Variants in SLC16A9 observed in about 807,000 individuals in gnomAD.
The protein encoded by SLC16A9 is solute carrier family 16 member 9, also known as monocarboxylate transporter 9.
SLC16A9 carries 26 observed loss-of-function variants against 44.3 expected under a neutral mutation model. The observed-to-expected ratio is 0.59, with a 90% CI of 0.43 to 0.81. The LOEUF is 0.81. Among genes scored for constraint, SLC16A9 ranks in the 40% least tolerant of loss-of-function variants. The pLI, the probability that SLC16A9 is intolerant of heterozygous loss-of-function variation, is 0.00. For synonymous variants in SLC16A9, 230 were observed against 225.1 expected, an observed-to-expected ratio of 1.02 and a Z score of -0.19; for missense variants, 559 against 595.8, an observed-to-expected ratio of 0.94 and a Z score of 0.64.
chr10:59,677,923 AT>A (rs1405691606), intron 2 of SLC16A9, among the ~76,000 whole-genome samples: 1 of 151,556 alleles, frequency 6.6e-6, no homozygotes, highest in East Asian at 1.9e-4. Flanking sequence ...TTTAGGGTAC[AT>A]GTGCACAATG....
intron 1 of SLC16A9, among the ~76,000 whole-genome samples, chr10:59,694,595 G>A (rs1477287130): frequency 6.6e-6 from 1 of 151,332 alleles, no homozygotes; most frequent in Non-Finnish European, 1.5e-5. Flanking sequence ...GAGGCCAGGA[G>A]TTTAAGACCA....
chr10:59,655,894 G>A lies in SLC16A9; in HGVS notation c.437-1305C>T, dbSNP rs147771231. ...CATCACTGATTGCATGGATATGATT[G>A]CTATAAAAACCCATCTAATAAAACA... On this transcript the variant is annotated intron_variant, in intron 4 of 5. Transcript: ENST00000395348. Among the ~76,000 whole-genome samples, 17 of 152,310 alleles carry A rather than the reference G, an allele frequency of 1.1e-4. No individual in the cohort carries two copies. The East Asian group carries it at 3.3e-3, about 29-fold the overall frequency.
At position 59,684,866 on chromosome 10, in the gene SLC16A9, A is replaced by G. The variant is rs564244288; in HGVS notation, c.-36-539T>C. 4.6e-5 allele frequency among the ~76,000 whole-genome samples: 7 copies of G among 152,300 alleles called. No individual in the cohort carries two copies. The South Asian group carries it at 6.2e-4, about 14-fold the overall frequency. On this transcript the variant is annotated intron_variant, in intron 1 of 5. Transcript: ENST00000395348. The stretch of plus-strand genomic sequence containing the variant: ...CTGGGAGCTGCCCATCCACACTTCC[A>G]TGTTGATCATGCACTGGATGTGGCT...
chr10:59,676,116 A>T (rs1030457743), intron 2 of SLC16A9, among the ~76,000 whole-genome samples: 1 of 152,230 alleles, frequency 6.6e-6, no homozygotes, highest in African/African-American at 2.4e-5. Flanking sequence ...TATAGATAAC[A>T]TAGCTTTATG....
intron 3 of SLC16A9, among the ~76,000 whole-genome samples, chr10:59,668,598 A>T (rs887087347): frequency 2.6e-5 from 4 of 152,238 alleles, no homozygotes; most frequent in Admixed American, 2.6e-4. Flanking sequence ...AAAGTCATTT[A>T]AACTCTCTAA....
In SLC16A9 at chr10:59,681,690, G is replaced by A. The variant is rs867165135; in HGVS notation, c.196+2406C>T. On this transcript the variant is annotated intron_variant, in intron 2 of 5. Transcript: ENST00000395348. ...TGTATATGTATATGTATATGTATATGTATATATATATGTATATGTATATGT... is the reference window on the plus strand; with the variant it reads ...TGTATATGTATATGTATATGTATATATATATATATATGTATATGTATATGT... Among the ~76,000 whole-genome samples the A allele has an allele frequency of 1.1e-4, 2 of 17,528 alleles. 1 individual carries two copies. The highest frequency in any genetic ancestry group is 5.6e-4 in the African/African-American group (2 of 3,578). The allele number at this position is 17,528 out of a possible 152,430, so 11.5% of individuals were successfully genotyped here.
At chr10:59,661,601 C>T (rs1839476584) in intron 4 of SLC16A9, among the ~76,000 whole-genome samples, 1 of 152,112 alleles carries the variant, frequency 6.6e-6, no homozygotes, top group Non-Finnish European at 1.5e-5. Flanking sequence ...CAATGCTATT[C>T]CCATCAAGCT....
chr10:59,696,918 G>T (rs1283467733), intron 1 of SLC16A9, among the ~76,000 whole-genome samples: 2 of 55,822 alleles, frequency 3.6e-5, no homozygotes, highest in African/African-American at 1.1e-4. Flanking sequence ...CAGCCACCCC[G>T]TCCGGGAGGG....
intron 1 of SLC16A9, among the ~76,000 whole-genome samples, chr10:59,691,403 G>A (rs1840249459): frequency 1.3e-5 from 2 of 152,154 alleles, no homozygotes; most frequent in South Asian, 2.1e-4. Context: ...ATACTACAGG[G>A]TTTAAAGAAG....
chr10:59,653,507 G>A lies in SLC16A9; in HGVS notation c.1351+168C>T, dbSNP rs906658565. On this transcript the variant is annotated intron_variant, in intron 5 of 5. Transcript: ENST00000395348. ...CACAAATCCCAGAGCATGCATATTC[G>A]CTTTCTCAATTATATCAAAGCAGTC... Among the ~76,000 whole-genome samples the A allele has an allele frequency of 4.8e-5, 7 of 146,914 alleles. No homozygotes were observed. The Admixed American group carries it at 4.9e-4, about 10-fold the overall frequency.
chr10:59,658,969 A>G (rs1189897761), intron 4 of SLC16A9, among the ~76,000 whole-genome samples: 2 of 152,152 alleles, frequency 1.3e-5, no homozygotes, highest in African/African-American at 2.4e-5. Context: ...TTCCAGGGTT[A>G]CCCACCTACC....
intron 1 of SLC16A9, among the ~76,000 whole-genome samples, chr10:59,701,859 C>T (rs907185564): frequency 2.6e-5 from 4 of 152,218 alleles, no homozygotes; most frequent in African/African-American, 9.6e-5. Context: ...CAAGACTGAG[C>T]CCAAACTGTT....
chr10:59,706,600 A>G (rs1204411044), intron 1 of SLC16A9, among the ~76,000 whole-genome samples: 1 of 147,896 alleles, frequency 6.8e-6, no homozygotes, highest in East Asian at 2.0e-4. Flanking sequence ...CTAAATGTCT[A>G]TAAGTGGATG....
At chr10:59,670,952 G>T (rs12268837) in intron 3 of SLC16A9, among the ~76,000 whole-genome samples, 1 of 152,014 alleles carries the variant, frequency 6.6e-6, no homozygotes, top group African/African-American at 2.4e-5. Flanking sequence ...CAATAATTAC[G>T]GTGGTGAGAG....
intron 4 of SLC16A9, among the ~76,000 whole-genome samples, chr10:59,654,905 A>G (rs1157870359): frequency 1.3e-5 from 2 of 152,156 alleles, no homozygotes; most frequent in African/African-American, 4.8e-5. Context: ...TAGGGCTGGA[A>G]TGGTTGAGAA....
At chr10:59,707,248 G>A (rs185801378) in intron 1 of SLC16A9, among the ~76,000 whole-genome samples, 1 of 139,894 alleles carries the variant, frequency 7.1e-6, no homozygotes, top group Admixed American at 7.4e-5. Context: ...AGGAAAAGAG[G>A]GGAGGGCAGA....
intron 4 of SLC16A9, among the ~76,000 whole-genome samples, chr10:59,661,091 C>T (rs1266979586): frequency 6.6e-6 from 1 of 152,160 alleles, no homozygotes; most frequent in Admixed American, 6.5e-5. Flanking sequence ...TGAAAACCAA[C>T]ACAAGACAAG....
chr10:59,699,901 A>AACACACACAC (rs57820696), intron 1 of SLC16A9, among the ~76,000 whole-genome samples: 34 of 147,558 alleles, frequency 2.3e-4, no homozygotes, highest in African/African-American at 8.3e-4. Context: ...CTGCACTGAA[A>AACACACACAC]ACACACACAC....
rs71467073 is a variant in SLC16A9 at position 59,664,031 on chromosome 10, T to TAA, written c.436+194_436+195dup. 5.3e-3 allele frequency among the ~76,000 whole-genome samples: 649 copies of TAA among 122,514 alleles called. 3 individuals carry two copies. Among genetic ancestry groups the TAA allele is most frequent in the African/African-American group, 0.017 (525 of 30,614 alleles). The allele number at this position is 122,514 out of a possible 152,430, so 80.4% of individuals were successfully genotyped here. A position where few individuals can be genotyped will look rare whatever the true frequency, so the allele number is the denominator to read the frequency against. On this transcript the variant is annotated intron_variant, in intron 4 of 5. Transcript: ENST00000395348. ...ACATAAAAATTTATAATGTAAAATG[T>TAA]AAAAAAAAAAAAAAAAAGAAAGCTA...
Sources: gnomAD v4.1 joint callset for allele counts (sites outside exome capture counted in the v4.1 genomes callset) on GRCh38, gnomAD v4.1.1 for gene constraint, MANE v1.5 for transcripts, NCBI Gene and HGNC (gene_info 2026-07-23, HGNC 2026-07-21) for gene names.